GRAMD1B: variants seen among roughly 807,000 people sequenced by gnomAD.
GRAMD1B encodes the protein GRAM domain containing 1B, also known as protein Aster-B.
Under a neutral mutation model 99.7 loss-of-function variants are expected in GRAMD1B, and 37 were observed. That is an observed-to-expected ratio of 0.37 (90% CI 0.29 to 0.49). The LOEUF (loss-of-function observed/expected upper bound fraction) is 0.49. Ranked by LOEUF, GRAMD1B falls within the 20% of genes least tolerant of loss-of-function variation. GRAMD1B has a pLI of 0.98. For missense variants in GRAMD1B, 888 were observed against 1,009.2 expected (o/e 0.88, Z 1.63); for synonymous variants, 427 against 387.6 (o/e 1.10, Z -1.19).
intron 1 of GRAMD1B, among the ~76,000 whole-genome samples, chr11:123,403,153 G>C (rs987225351): frequency 6.6e-6 from 1 of 152,034 alleles, no homozygotes; most frequent in Non-Finnish European, 1.5e-5. Context: ...GGCCGGGCAC[G>C]GAGGCTCACG....
chr11:123,554,442 A>G (rs1945940148), intron 2 of GRAMD1B, among the ~76,000 whole-genome samples: 1 of 149,952 alleles, frequency 6.7e-6, no homozygotes, highest in Admixed American at 6.8e-5. Context: ...TAATTCCAGC[A>G]CTTTGGGCCG....
In GRAMD1B at chr11:123,624,947, C is replaced by T. The variant is rs918197397; in HGVS notation, c.*2352C>T. ...GCAGTACTGAGTATGTCAGAAGAGC[C>T]CTCCTGGTTTTTTAGCGATTTGAAC... On this transcript the variant is annotated 3_prime_UTR_variant, in exon 20 of 20. Transcript: ENST00000635736. The T allele has an allele frequency of 1.3e-5, 2 of 152,072 alleles. No homozygotes were observed. Among genetic ancestry groups the T allele is most frequent in the African/African-American group, 4.8e-5 (2 of 41,390 alleles). The allele number at this position is 152,072 out of a possible 1,614,324, so 9.4% of individuals were successfully genotyped here. A position where few individuals can be genotyped will look rare whatever the true frequency, so the allele number is the denominator to read the frequency against.
At chr11:123,617,169 C>CTTTTTTTTT (rs34788392) in intron 17 of GRAMD1B, among the ~76,000 whole-genome samples, 167 of 133,566 alleles carry the variant, frequency 1.3e-3, no homozygotes, top group Non-Finnish European at 2.0e-3. Flanking sequence ...TCTTTCTTTC[C>CTTTTTTTTT]TTTTTTTTTT....
intron 1 of GRAMD1B, among the ~76,000 whole-genome samples, chr11:123,442,762 C>T (rs1448058995): frequency 1.3e-5 from 2 of 151,996 alleles, no homozygotes; most frequent in Non-Finnish European, 2.9e-5. Flanking sequence ...AAGCGAGATA[C>T]CATCTCAGAA....
intron 1 of GRAMD1B, among the ~76,000 whole-genome samples, chr11:123,419,822 T>C (rs1948367386): frequency 6.6e-6 from 1 of 151,864 alleles, no homozygotes; most frequent in Non-Finnish European, 1.5e-5. Context: ...AGTACCCTAG[T>C]GGGCCTCTGC....
At chr11:123,598,184 GC>G in intron 7 of GRAMD1B, 1 of 1,500,884 alleles carries the variant, frequency 6.7e-7, no homozygotes, top group Non-Finnish European at 9.3e-7. Context: ...GCAAAGTGCC[GC>G]TGGAAGGCTT....
chr11:123,474,399 A>G (rs541991064), intron 1 of GRAMD1B, among the ~76,000 whole-genome samples: 64 of 152,360 alleles, frequency 4.2e-4, no homozygotes, highest in Admixed American at 1.4e-3. Context: ...CAGAGTCAGG[A>G]CTAGAATGTG....
intron 17 of GRAMD1B, among the ~76,000 whole-genome samples, chr11:123,617,025 C>T (rs761261702): frequency 3.7e-4 from 57 of 152,238 alleles, no homozygotes; most frequent in Admixed American, 9.2e-4. Flanking sequence ...AGGAAGACTA[C>T]CTTCCACAGT....
intron 3 of GRAMD1B, among the ~76,000 whole-genome samples, chr11:123,582,673 TG>T (rs111971398): frequency 0.017 from 2,547 of 152,156 alleles, 97 homozygotes; most frequent in African/African-American, 0.058. Context: ...GGTTTCACTG[TG>T]GGGGGTGAAG....
At chr11:123,515,925 G>A (rs1164283955) in intron 2 of GRAMD1B, among the ~76,000 whole-genome samples, 13 of 152,136 alleles carry the variant, frequency 8.5e-5, no homozygotes, top group South Asian at 6.2e-4. Context: ...GCAACACCAC[G>A]CCGGGCTAAT....
intron 1 of GRAMD1B, among the ~76,000 whole-genome samples, chr11:123,364,352 G>A (rs935001348): frequency 1.3e-5 from 2 of 152,306 alleles, no homozygotes; most frequent in Admixed American, 6.5e-5. Flanking sequence ...CTATAAAAAG[G>A]TATCTTCGTC....
chr11:123,619,442 C>T, intron 19 of GRAMD1B: 1 of 1,347,432 alleles, frequency 7.4e-7, no homozygotes, highest in South Asian at 1.5e-5. Flanking sequence ...AATAAAATGA[C>T]CCACTGAATT....
chr11:123,506,969 G>C (rs1448030627), intron 2 of GRAMD1B, among the ~76,000 whole-genome samples: 2 of 152,174 alleles, frequency 1.3e-5, no homozygotes, highest in Non-Finnish European at 2.9e-5. Context: ...CACATATGGT[G>C]CTTCTGAAGC....
chr11:123,423,883 CT>C (rs1426368643), intron 1 of GRAMD1B, among the ~76,000 whole-genome samples: 4 of 152,124 alleles, frequency 2.6e-5, no homozygotes, highest in Admixed American at 1.3e-4. Context: ...CAAGAGTCAG[CT>C]GGGATTTTGT....
chr11:123,583,299 A>C (rs1038947972), intron 3 of GRAMD1B, among the ~76,000 whole-genome samples: 3 of 128,428 alleles, frequency 2.3e-5, no homozygotes, highest in African/African-American at 6.0e-5. Flanking sequence ...GGTGTGTGTG[A>C]ATGTGTGTGT....
At chr11:123,606,228 G>A (rs1222273712) in intron 10 of GRAMD1B, among the ~76,000 whole-genome samples, 4 of 152,240 alleles carry the variant, frequency 2.6e-5, no homozygotes, top group Admixed American at 6.5e-5. Flanking sequence ...ATGAGAGAAT[G>A]AGTTTTAAAA....
In GRAMD1B at chr11:123,432,210, A is replaced by G. The variant is rs187067585; in HGVS notation, c.374+1044A>G. Reference sequence around the variant, plus strand: ...GTTGAGGAGGGTGTGGGGGAAGGATAGGTAGAGTAAGGGGTTGTAGAGGCT... The same window carrying G: ...GTTGAGGAGGGTGTGGGGGAAGGATGGGTAGAGTAAGGGGTTGTAGAGGCT... On this transcript the variant is annotated intron_variant, in intron 1 of 19. Coordinates refer to ENST00000635736, the MANE Select transcript of GRAMD1B (RefSeq NM_001387025.1). 211 of 393,166 alleles carry G rather than the reference A, an allele frequency of 5.4e-4. 1 individual carries two copies. The East Asian group carries it at 7.4e-3, about 14-fold the overall frequency. The allele number at this position is 393,166 out of a possible 1,614,324, so 24.4% of individuals were successfully genotyped here. A position where few individuals can be genotyped will look rare whatever the true frequency, so the allele number is the denominator to read the frequency against.
chr11:123,435,903 TAAAAAC>T (rs1055572380), intron 1 of GRAMD1B, among the ~76,000 whole-genome samples: 11 of 151,090 alleles, frequency 7.3e-5, no homozygotes, highest in African/African-American at 2.4e-4. Context: ...AGTCAGTTTT[TAAAAAC>T]GTTTGTTGCC....
intron 1 of GRAMD1B, among the ~76,000 whole-genome samples, chr11:123,466,082 C>G (rs1476708954): frequency 6.6e-6 from 1 of 152,046 alleles, no homozygotes; most frequent in East Asian, 1.9e-4. Flanking sequence ...TCAAGACCAG[C>G]CTGGCCAACA....
Sources: gnomAD v4.1 joint callset for allele counts (sites outside exome capture counted in the v4.1 genomes callset) on GRCh38, gnomAD v4.1.1 for gene constraint, MANE v1.5 for transcripts, NCBI Gene and HGNC (gene_info 2026-07-23, HGNC 2026-07-21) for gene names.